The following RLN2 variants were observed in gnomAD, a reference collection of about 807,000 sequenced individuals.
RLN2 encodes relaxin 2.
In RLN2, 10 loss-of-function variants were observed where a neutral mutation model predicts 7.3. The observed-to-expected ratio is 1.36, with a 90% confidence interval of 0.84 to 2.31. The LOEUF is 2.31. RLN2 is among the 30% of genes most tolerant of loss of function. The pLI is 0.00. For missense variants in RLN2, 298 were observed against 217.6 expected (o/e 1.37, Z -2.32); for synonymous variants, 103 against 82.3 (o/e 1.25, Z -1.36).
At chr9:5,320,563 G>A in the RLN2 span, among the ~76,000 whole-genome samples, 16 of 151,398 alleles carry the variant, frequency 1.1e-4, no homozygotes, top group East Asian at 2.5e-3. Context: ...TAGAGATGGA[G>A]TTTCACCATG....
At chr9:5,333,971 G>A in the RLN2 span, among the ~76,000 whole-genome samples, 1 of 151,784 alleles carries the variant, frequency 6.6e-6, no homozygotes, top group Non-Finnish European at 1.5e-5. Flanking sequence ...ATTCAACATC[G>A]CTTCATGTTA....
rs748116970 is a variant in RLN2 at position 5,304,590 on chromosome 9, G to C, written c.-10C>G. 6.2e-7 allele frequency: 1 copy of C among 1,613,088 alleles called. No homozygotes were observed. Among genetic ancestry groups the C allele is most frequent in the Non-Finnish European group, 8.5e-7 (1 of 1,179,400 alleles). The stretch of plus-strand genomic sequence containing the variant: ...AAAACAGGCGAGGCATCCTGGGCCT[G>C]GTCTCTCCTGGAGGTCGGGACGTTG... On this transcript the variant is annotated 5_prime_UTR_variant, in exon 1 of 2. Coordinates refer to ENST00000381627, the MANE Select transcript of RLN2 (RefSeq NM_134441.3).
At chr9:5,330,139 A>G in the RLN2 span, among the ~76,000 whole-genome samples, 1 of 152,058 alleles carries the variant, frequency 6.6e-6, no homozygotes, top group Non-Finnish European at 1.5e-5. Flanking sequence ...TGGAAACTGA[A>G]CAACCTGCTC....
At chr9:5,316,286 T>C in the RLN2 span, among the ~76,000 whole-genome samples, 1 of 151,976 alleles carries the variant, frequency 6.6e-6, no homozygotes, top group South Asian at 2.1e-4. Flanking sequence ...ATTACTTTTT[T>C]ATTGTTTTCC....
the RLN2 span, among the ~76,000 whole-genome samples, chr9:5,317,358 A>C: frequency 1.3e-5 from 2 of 151,698 alleles, no homozygotes; most frequent in African/African-American, 4.9e-5. Context: ...AGGCTGAAAC[A>C]GGAGAATTGC....
At position 5,299,932 on chromosome 9, in the gene RLN2, T is replaced by G. The variant is rs572540621; in HGVS notation, c.*166A>C. On this transcript the variant is annotated 3_prime_UTR_variant, in exon 2 of 2. Coordinates refer to ENST00000381627, the MANE Select transcript of RLN2 (RefSeq NM_134441.3). ...TTCTTACACATCAAATAAAAAAATC[T>G]AAACATCAACAAAGATGTTTAGATA... 1 of 450,554 alleles carries G rather than the reference T, an allele frequency of 2.2e-6. No individual in the cohort carries two copies. The highest frequency in any genetic ancestry group is 3.9e-6 in the Non-Finnish European group (1 of 258,896). 27.9% of individuals were successfully genotyped at this position (450,554 alleles called of 1,614,324 possible).
At chr9:5,316,954 G>T in the RLN2 span, among the ~76,000 whole-genome samples, 6 of 152,018 alleles carry the variant, frequency 3.9e-5, no homozygotes, top group African/African-American at 1.5e-4. Flanking sequence ...AAATGAGGAA[G>T]TTTAAAGTCT....
chr9:5,305,874 G>C (rs1394787713), upstream of RLN2, among the ~76,000 whole-genome samples: 1 of 151,972 alleles, frequency 6.6e-6, no homozygotes, highest in African/African-American at 2.4e-5. Context: ...CAAGCAATGT[G>C]TAATTCTTCA....
At chr9:5,309,122 G>A (rs1247007926), upstream of RLN2, among the ~76,000 whole-genome samples, 1 of 152,070 alleles carries the variant, frequency 6.6e-6, no homozygotes, top group Admixed American at 6.5e-5. Flanking sequence ...CACTCCAACA[G>A]GGTGAATAGG....
the RLN2 span, among the ~76,000 whole-genome samples, chr9:5,323,872 C>T: frequency 6.6e-6 from 1 of 151,854 alleles, no homozygotes; most frequent in African/African-American, 2.4e-5. Flanking sequence ...CATGGCTAAA[C>T]TGCGTGTCTA....
chr9:5,335,590 T>C, the RLN2 span: 1,336 of 1,596,594 alleles, frequency 8.4e-4, 19 homozygotes, highest in African/African-American at 0.016. Flanking sequence ...TGAAGGATGG[T>C]ACAATTTCTG....
chr9:5,301,922 A>G (rs773084950), intron 1 of RLN2, among the ~76,000 whole-genome samples: 8 of 152,196 alleles, frequency 5.3e-5, no homozygotes, highest in Non-Finnish European at 8.8e-5. Flanking sequence ...ATGAGAATTT[A>G]TATCGTTTTT....
At chr9:5,327,881 A>G in the RLN2 span, among the ~76,000 whole-genome samples, 1 of 152,044 alleles carries the variant, frequency 6.6e-6, no homozygotes, top group Non-Finnish European at 1.5e-5. Context: ...AACAAAAAGG[A>G]CATCCACAAC....
At chr9:5,324,750 A>G in the RLN2 span, among the ~76,000 whole-genome samples, 1 of 152,056 alleles carries the variant, frequency 6.6e-6, no homozygotes, top group Non-Finnish European at 1.5e-5. Context: ...TTATATCCTC[A>G]TTGAATAGTA....
Position 5,304,352 on chromosome 9 carries a change from G to C in RLN2, c.211+18C>G. On this transcript the variant is annotated intron_variant, in intron 1 of 1. Coordinates refer to ENST00000381627, the MANE Select transcript of RLN2 (RefSeq NM_134441.3). The stretch of plus-strand genomic sequence containing the variant: ...AATGGGAAGCGCGGGAAGGCCGGGA[G>C]GGGGCGGGAGCTCTCACCTGCCACT... The C allele has an allele frequency of 4.5e-6, 7 of 1,543,212 alleles. No homozygotes were observed. The highest frequency in any genetic ancestry group is 6.2e-6 in the Non-Finnish European group (7 of 1,136,080).
chr9:5,302,015 T>A (rs1816157314), intron 1 of RLN2, among the ~76,000 whole-genome samples: 1 of 152,178 alleles, frequency 6.6e-6, no homozygotes, highest in Non-Finnish European at 1.5e-5. Flanking sequence ...CTCTCTTTGA[T>A]CCAACCTAAA....
the RLN2 span, among the ~76,000 whole-genome samples, chr9:5,323,267 G>C: frequency 6.6e-6 from 1 of 151,824 alleles, no homozygotes; most frequent in African/African-American, 2.4e-5. Context: ...GTGCATATGT[G>C]AGTAATTAAA....
chr9:5,324,949 G>A, the RLN2 span, among the ~76,000 whole-genome samples: 147 of 152,070 alleles, frequency 9.7e-4, 1 homozygote, highest in African/African-American at 2.9e-3. Context: ...ATTCTGAGGC[G>A]TTGCTTTGCA....
chr9:5,306,467 A>G (rs1373553218), upstream of RLN2, among the ~76,000 whole-genome samples: 1 of 151,980 alleles, frequency 6.6e-6, no homozygotes, highest in Non-Finnish European at 1.5e-5. Flanking sequence ...TTTTACAGAA[A>G]GAAGAAACAG....
Sources: gnomAD v4.1 joint callset for allele counts (sites outside exome capture counted in the v4.1 genomes callset) on GRCh38, gnomAD v4.1.1 for gene constraint, MANE v1.5 for transcripts, NCBI Gene and HGNC (gene_info 2026-07-23, HGNC 2026-07-21) for gene names.